Variants in NOPCHAP1 observed in about 807,000 individuals in gnomAD.
NOPCHAP1 encodes NOP protein chaperone 1, also known as DNA damage-sensitive RNA 1.
A neutral mutation model predicts 14.0 loss-of-function variants in NOPCHAP1; 13 were observed. The observed-to-expected ratio is 0.93, with a 90% confidence interval of 0.60 to 1.47. The LOEUF (loss-of-function observed/expected upper bound fraction) is 1.47, where lower values mean the gene tolerates loss of function less well. Among genes scored for constraint, NOPCHAP1 ranks in the 40% most tolerant of loss-of-function variants. The probability of loss-of-function intolerance (pLI) is 0.00; values close to 1 mark genes in which losing one functional copy is unlikely to be tolerated. For synonymous variants in NOPCHAP1, 78 were observed against 78.4 expected, an observed-to-expected ratio of 1.00 and a Z score of 0.03; for missense variants, 230 against 226.9, an observed-to-expected ratio of 1.01 and a Z score of -0.09.
chr12:105,010,692 T>A lies in NOPCHAP1; in HGVS notation c.*15996T>A, dbSNP rs1873801746. On this transcript the variant is annotated 3_prime_UTR_variant, in exon 4 of 4. Transcript: ENST00000552951. Reference sequence around the variant, plus strand: ...TATGTTGTGTCTTTGTTCTCATTGGTTTCAAATAATTTATTTATTTCTGCC... The same window carrying A: ...TATGTTGTGTCTTTGTTCTCATTGGATTCAAATAATTTATTTATTTCTGCC... 1 of 152,210 alleles carries A rather than the reference T, an allele frequency of 6.6e-6. No homozygotes were observed. 9.4% of individuals were successfully genotyped at this position (152,210 alleles called of 1,614,324 possible). A position where few individuals can be genotyped will look rare whatever the true frequency, so the allele number is the denominator to read the frequency against.
rs1342258628 is a variant in NOPCHAP1, at chr12:105,015,121, TC to T, written c.*20427del. On this transcript the variant is annotated 3_prime_UTR_variant, in exon 4 of 4. Coordinates refer to ENST00000552951, the MANE Select transcript of NOPCHAP1 (RefSeq NM_152318.3). ...TCTTATTGGAAATTGGAACCAGCTC[TC>T]CTTGACTGTGACTCACTCGCTAAAT... 1 of 152,254 alleles carries T rather than the reference TC, an allele frequency of 6.6e-6. No homozygotes were observed. Among genetic ancestry groups the T allele is most frequent in the African/African-American group, 2.4e-5 (1 of 41,468 alleles). 9.4% of individuals were successfully genotyped at this position (152,254 alleles called of 1,614,324 possible). A position where few individuals can be genotyped will look rare whatever the true frequency, so the allele number is the denominator to read the frequency against.
At position 105,005,397 on chromosome 12, in the gene NOPCHAP1, T is replaced by C. The variant is rs1873687035; in HGVS notation, c.*10701T>C. The C allele has an allele frequency of 1.3e-5, 2 of 152,230 alleles. No individual in the cohort carries two copies. The highest frequency in any genetic ancestry group is 4.8e-5 in the African/African-American group (2 of 41,460). The allele number at this position is 152,230 out of a possible 1,614,324, so 9.4% of individuals were successfully genotyped here. A position where few individuals can be genotyped will look rare whatever the true frequency, so the allele number is the denominator to read the frequency against. ...CATTGGTTACTTGGTTTACACCCTA[T>C]TTAAATGAGGTAGTGGTCTGCAGCC... On this transcript the variant is annotated 3_prime_UTR_variant, in exon 4 of 4. Transcript: ENST00000552951.
rs377608685 is a variant in NOPCHAP1, at chr12:105,007,669, C to G, written c.*12973C>G. ...TATCCCTCCCCTAGGCCCCCACCCC[C>G]CAACAGGCCCCAGTGTGTGATGTTC... On this transcript the variant is annotated 3_prime_UTR_variant, in exon 4 of 4. Transcript: ENST00000552951. 3.9e-5 allele frequency: 6 copies of G among 152,136 alleles called. No homozygotes were observed. The highest frequency in any genetic ancestry group is 7.3e-5 in the Non-Finnish European group (5 of 68,046). The allele number at this position is 152,136 out of a possible 1,614,324, so 9.4% of individuals were successfully genotyped here. A position where few individuals can be genotyped will look rare whatever the true frequency, so the allele number is the denominator to read the frequency against.
At chr12:104,988,399 C>T in intron 2 of NOPCHAP1, 146 bp downstream of exon 2, 2 of 554,504 alleles carry the variant, frequency 3.6e-6, no homozygotes, top group South Asian at 6.9e-5. Flanking sequence ...ATGATAAAGT[C>T]AGTACACAGA....
chr12:104,991,994 T>A (rs1036864666), intron 3 of NOPCHAP1, 146 bp downstream of exon 3: 4 of 987,072 alleles, frequency 4.1e-6, no homozygotes, highest in Non-Finnish European at 4.2e-6. Flanking sequence ...AGTCATTTTA[T>A]GATTTAGTCA....
Position 105,009,449 on chromosome 12 carries a change from CT to C in NOPCHAP1, c.*14756del, listed in dbSNP as rs1191376834. ...CTTCCTCTCTTCCTATTTTTATACCCTTTATTTCTTTCTCTTGCCTGCTTGC... is the reference window on the plus strand; with the variant it reads ...CTTCCTCTCTTCCTATTTTTATACCCTTATTTCTTTCTCTTGCCTGCTTGC... On this transcript the variant is annotated 3_prime_UTR_variant, in exon 4 of 4. Coordinates refer to ENST00000552951, the MANE Select transcript of NOPCHAP1 (RefSeq NM_152318.3). 6.6e-6 allele frequency: 1 copy of C among 152,100 alleles called. No homozygotes were observed. The highest frequency in any genetic ancestry group is 2.4e-5 in the African/African-American group (1 of 41,428). 9.4% of individuals were successfully genotyped at this position (152,100 alleles called of 1,614,324 possible).
chr12:104,991,902 G>A, intron 3 of NOPCHAP1, 54 bp downstream of exon 3: 1 of 1,530,488 alleles, frequency 6.5e-7, no homozygotes, highest in African/African-American at 1.4e-5. Flanking sequence ...TGTCACCTAA[G>A]AAGAAGAGAA....
rs1873863412 is a variant in NOPCHAP1 at position 105,012,957 on chromosome 12, A to T, written c.*18261A>T. On this transcript the variant is annotated 3_prime_UTR_variant, in exon 4 of 4. Coordinates refer to ENST00000552951, the MANE Select transcript of NOPCHAP1 (RefSeq NM_152318.3). ...GAGGTGTCTCCCAGTCAGTAGGCAT[A>T]GGGGTCAAGGACCCACTTGAGGAGG... 2 of 152,362 alleles carry T rather than the reference A, an allele frequency of 1.3e-5. No homozygotes were observed. The highest frequency in any genetic ancestry group is 2.9e-5 in the Non-Finnish European group (2 of 68,176). The allele number at this position is 152,362 out of a possible 1,614,324, so 9.4% of individuals were successfully genotyped here. A position where few individuals can be genotyped will look rare whatever the true frequency, so the allele number is the denominator to read the frequency against.
chr12:104,994,760 G>C lies in NOPCHAP1; in HGVS notation c.*64G>C. ...CTGCAAATTCTGTGAAAAAGAATGT[G>C]ATTCACGGGTTCTTTTGCTTTTCAG... On this transcript the variant is annotated 3_prime_UTR_variant, in exon 4 of 4. Coordinates refer to ENST00000552951, the MANE Select transcript of NOPCHAP1 (RefSeq NM_152318.3). The C allele has an allele frequency of 7.1e-7, 1 of 1,411,694 alleles. No homozygotes were observed. The highest frequency in any genetic ancestry group is 9.8e-7 in the Non-Finnish European group (1 of 1,018,292). The allele number at this position is 1,411,694 out of a possible 1,614,324, so 87.4% of individuals were successfully genotyped here.
chr12:104,986,891 C>T (rs894607088), intron 1 of NOPCHAP1, among the ~76,000 whole-genome samples: 5 of 152,182 alleles, frequency 3.3e-5, no homozygotes, highest in Non-Finnish European at 7.3e-5. Flanking sequence ...TTCACACCCA[C>T]ACAGACCACC....
At chr12:104,986,721 C>G in intron 1 of NOPCHAP1, among the ~76,000 whole-genome samples, 1 of 152,228 alleles carries the variant, frequency 6.6e-6, no homozygotes, top group Non-Finnish European at 1.5e-5. Flanking sequence ...TGAGCGCCCA[C>G]CCTGCCAGGC....
intron 1 of NOPCHAP1, 121 bp downstream of exon 1, chr12:104,986,588 G>T: frequency 1.3e-6 from 1 of 795,762 alleles, no homozygotes; most frequent in South Asian, 2.0e-5. Context: ...GGGGAGCCCC[G>T]GGGACTGCTG....
In NOPCHAP1 at chr12:104,996,242, G is replaced by A. The variant is rs2136028154; in HGVS notation, c.*1546G>A. On this transcript the variant is annotated 3_prime_UTR_variant, in exon 4 of 4. Coordinates refer to ENST00000552951, the MANE Select transcript of NOPCHAP1 (RefSeq NM_152318.3). ...AAGAGGGCTACCTAGTGGTATTTGA[G>A]CATCAGTCAGTTCAGTTCATCCACT... The A allele has an allele frequency of 6.6e-6, 1 of 152,224 alleles. No individual in the cohort carries two copies. Among genetic ancestry groups the A allele is most frequent in the Admixed American group, 6.5e-5 (1 of 15,290 alleles). 9.4% of individuals were successfully genotyped at this position (152,224 alleles called of 1,614,324 possible). A position where few individuals can be genotyped will look rare whatever the true frequency, so the allele number is the denominator to read the frequency against.
At position 105,000,747 on chromosome 12, in the gene NOPCHAP1, T is replaced by C. The variant is rs1873592382; in HGVS notation, c.*6051T>C. ...GAAGACCCAATCTCCATGTTCCAGATTGTGAAATGCTTGGTTGTCCTCCAT... is the reference window on the plus strand; with the variant it reads ...GAAGACCCAATCTCCATGTTCCAGACTGTGAAATGCTTGGTTGTCCTCCAT... On this transcript the variant is annotated 3_prime_UTR_variant, in exon 4 of 4. Coordinates refer to ENST00000552951, the MANE Select transcript of NOPCHAP1 (RefSeq NM_152318.3). The C allele has an allele frequency of 6.6e-6, 1 of 152,040 alleles. No homozygotes were observed. Among genetic ancestry groups the C allele is most frequent in the Admixed American group, 6.6e-5 (1 of 15,266 alleles). The allele number at this position is 152,040 out of a possible 1,614,324, so 9.4% of individuals were successfully genotyped here. A position where few individuals can be genotyped will look rare whatever the true frequency, so the allele number is the denominator to read the frequency against.
chr12:104,986,333 A>T lies in NOPCHAP1; in HGVS notation c.-20A>T. ...CCTTTTTCCTGCATCCGGGCCTGAG[A>T]GTGCAGGCTTGAGGGAAGCATGGAG... On this transcript the variant is annotated 5_prime_UTR_variant, in exon 1 of 4. Coordinates refer to ENST00000552951, the MANE Select transcript of NOPCHAP1 (RefSeq NM_152318.3). The T allele has an allele frequency of 6.3e-7, 1 of 1,588,686 alleles. No individual in the cohort carries two copies. Among genetic ancestry groups the T allele is most frequent in the Non-Finnish European group, 8.6e-7 (1 of 1,165,368 alleles).
intron 1 of NOPCHAP1, among the ~76,000 whole-genome samples, chr12:104,987,288 G>T (rs1382179469): frequency 1.3e-5 from 2 of 152,190 alleles, no homozygotes; most frequent in African/African-American, 2.4e-5. Context: ...ACAACCCTTT[G>T]CAGAAAATCT....
At position 104,997,518 on chromosome 12, in the gene NOPCHAP1, G is replaced by T. The variant is rs760149398; in HGVS notation, c.*2822G>T. On this transcript the variant is annotated 3_prime_UTR_variant, in exon 4 of 4. Transcript: ENST00000552951. ...TAAAAATAAATAAATAAAGAATGCT[G>T]AATATAGGCCCCCGATCTCTTCTGG... is the stretch of plus-strand genomic sequence containing the variant. 1 of 152,202 alleles carries T rather than the reference G, an allele frequency of 6.6e-6. No individual in the cohort carries two copies. Among genetic ancestry groups the T allele is most frequent in the African/African-American group, 2.4e-5 (1 of 41,454 alleles). The allele number at this position is 152,202 out of a possible 1,614,324, so 9.4% of individuals were successfully genotyped here. A position where few individuals can be genotyped will look rare whatever the true frequency, so the allele number is the denominator to read the frequency against.
rs541914685 is a variant in NOPCHAP1, at chr12:104,992,920, A to G, written c.339+1072A>G. 3.3e-5 allele frequency among the ~76,000 whole-genome samples: 5 copies of G among 152,242 alleles called. No homozygotes were observed. In the South Asian group the frequency reaches 1.0e-3, roughly 32 times the overall value. ...GTCCCTGGTACCAAAGAGGTTGGGCACTGCTGCTCTGTCTGACCTTATCTC... is the reference window on the plus strand; with the variant it reads ...GTCCCTGGTACCAAAGAGGTTGGGCGCTGCTGCTCTGTCTGACCTTATCTC... On this transcript the variant is annotated intron_variant, in intron 3 of 3. Coordinates refer to ENST00000552951, the MANE Select transcript of NOPCHAP1 (RefSeq NM_152318.3).
Position 104,986,521 on chromosome 12 carries a change from G to A in NOPCHAP1, c.115+54G>A, listed in dbSNP as rs975902333. On this transcript the variant is annotated intron_variant, in intron 1 of 3. Coordinates refer to ENST00000552951, the MANE Select transcript of NOPCHAP1 (RefSeq NM_152318.3). Reference sequence around the variant, plus strand: ...CGCACACGTGCGGCAGAGGAGGCGCGGCCGGTGCAGTTTGGGAGCCGGCCG... The same window carrying A: ...CGCACACGTGCGGCAGAGGAGGCGCAGCCGGTGCAGTTTGGGAGCCGGCCG... The A allele has an allele frequency of 1.8e-5, 26 of 1,454,200 alleles. No individual in the cohort carries two copies. In the South Asian group the frequency reaches 3.2e-4, roughly 18 times the overall value. The allele number at this position is 1,454,200 out of a possible 1,614,324, so 90.1% of individuals were successfully genotyped here.
Sources: allele counts gnomAD v4.1 joint callset (sites outside exome capture counted in the v4.1 genomes callset), GRCh38; gene constraint gnomAD v4.1.1; transcripts MANE v1.5; gene names NCBI Gene and HGNC (gene_info 2026-07-23, HGNC 2026-07-21).